Variants in ATRNL1 observed in about 807,000 individuals in gnomAD.
The protein encoded by ATRNL1 is attractin like 1.
ATRNL1 carries 95 observed loss-of-function variants against 182.7 expected under a neutral mutation model. The ratio of observed to expected loss-of-function variants is 0.52; its 90% CI spans 0.44 to 0.62. ATRNL1 has a LOEUF of 0.62. ATRNL1 is among the 20% of genes least tolerant of loss of function. ATRNL1 has a pLI of 0.00. For missense variants in ATRNL1, 1,471 were observed against 1,679.5 expected (o/e 0.88, Z 2.17); for synonymous variants, 576 against 568.3 (o/e 1.01, Z -0.19).
Position 115,456,168 on chromosome 10 carries a change from A to G in ATRNL1, c.3323-5773A>G, listed in dbSNP as rs151143818. Among the ~76,000 whole-genome samples, 903 of 152,310 alleles carry G rather than the reference A, an allele frequency of 5.9e-3. 11 individuals are homozygous for G. The highest frequency in any genetic ancestry group is 0.021 in the African/African-American group (862 of 41,568). The stretch of plus-strand genomic sequence containing the variant: ...CCTCAAAAGTATAAATCATACTACT[A>G]TAAAGACACATGCACACATGTGTTT... On this transcript the variant is annotated intron_variant, in intron 21 of 28. Transcript: ENST00000355044.
At chr10:115,362,023 A>C (rs1856773591) in intron 19 of ATRNL1, among the ~76,000 whole-genome samples, 1 of 152,070 alleles carries the variant, frequency 6.6e-6, no homozygotes, top group African/African-American at 2.4e-5. Context: ...CTAATATCCT[A>C]AATAAACAAA....
At chr10:115,754,196 T>G (rs1408799588) in intron 27 of ATRNL1, among the ~76,000 whole-genome samples, 1 of 152,232 alleles carries the variant, frequency 6.6e-6, no homozygotes, top group Non-Finnish European at 1.5e-5. Context: ...ATTTGTCAAT[T>G]TTGGCTTTTG....
At chr10:115,300,494 A>G (rs1212960161) in intron 16 of ATRNL1, among the ~76,000 whole-genome samples, 1 of 152,192 alleles carries the variant, frequency 6.6e-6, no homozygotes, top group South Asian at 2.1e-4. Flanking sequence ...TAATATGACA[A>G]TAATCTATTC....
At chr10:115,421,351 T>C (rs1158729885) in intron 20 of ATRNL1, among the ~76,000 whole-genome samples, 1 of 152,148 alleles carries the variant, frequency 6.6e-6, no homozygotes, top group African/African-American at 2.4e-5. Flanking sequence ...TGACCATGAT[T>C]TAGTGAAATT....
At chr10:115,271,872 A>G (rs1278867179) in intron 13 of ATRNL1, among the ~76,000 whole-genome samples, 2 of 152,142 alleles carry the variant, frequency 1.3e-5, no homozygotes, top group Non-Finnish European at 2.9e-5. Context: ...TTGAAATATA[A>G]TCCCCGGTCT....
chr10:115,752,689 A>G (rs1948480792), intron 27 of ATRNL1, among the ~76,000 whole-genome samples: 1 of 152,096 alleles, frequency 6.6e-6, no homozygotes, highest in East Asian at 1.9e-4. Flanking sequence ...AAGCCTCTAT[A>G]GCGCTTGTAG....
At chr10:115,816,358 A>G (rs530918387) in intron 27 of ATRNL1, among the ~76,000 whole-genome samples, 12 of 152,152 alleles carry the variant, frequency 7.9e-5, no homozygotes, top group Non-Finnish European at 1.6e-4. Context: ...TGGCTTAAGA[A>G]TCAGATATTG....
At chr10:115,729,527 G>GTGTGTGTGTGTGTGTA (rs1215381020) in intron 27 of ATRNL1, among the ~76,000 whole-genome samples, 45 of 151,098 alleles carry the variant, frequency 3.0e-4, no homozygotes, top group African/African-American at 8.7e-4. Flanking sequence ...GTGTGTGTGT[G>GTGTGTGTGTGTGTGTA]TGTGTGTGTT....
At chr10:115,633,294 A>G (rs954468377) in intron 26 of ATRNL1, among the ~76,000 whole-genome samples, 2 of 152,180 alleles carry the variant, frequency 1.3e-5, no homozygotes, top group African/African-American at 2.4e-5. Flanking sequence ...AACCACTTCT[A>G]TCTTGAAATA....
Position 115,467,170 on chromosome 10 carries a change from G to A in ATRNL1, c.3418-4G>A. ...TTTAACCTTAATATTTTCTTTTCTG[G>A]TAGTCGAACAAAAATCTGGATATAT... On this transcript the variant is annotated splice_polypyrimidine_tract_variant and splice_region_variant and intron_variant, in intron 22 of 28. Transcript: ENST00000355044. 6.3e-7 allele frequency: 1 copy of A among 1,591,428 alleles called. No individual in the cohort carries two copies. The highest frequency in any genetic ancestry group is 8.6e-7 in the Non-Finnish European group (1 of 1,163,992).
chr10:115,232,754 A>G (rs1268646478), intron 9 of ATRNL1, among the ~76,000 whole-genome samples: 2 of 152,064 alleles, frequency 1.3e-5, no homozygotes, highest in African/African-American at 4.8e-5. Flanking sequence ...AGAACTATTT[A>G]TTGAAAAGTC....
At position 115,948,142 on chromosome 10, in the gene ATRNL1, T is replaced by A. The variant is rs1406046332; in HGVS notation, c.*3363T>A. The A allele has an allele frequency of 6.6e-6, 1 of 152,244 alleles. No individual in the cohort carries two copies. The highest frequency in any genetic ancestry group is 1.9e-4 in the East Asian group (1 of 5,200). 9.4% of individuals were successfully genotyped at this position (152,244 alleles called of 1,614,324 possible). A position where few individuals can be genotyped will look rare whatever the true frequency, so the allele number is the denominator to read the frequency against. ...GATATAGGGATTTCTACAAAACGAC[T>A]TTGACATTTAGTCAATAAAGACTTA... On this transcript the variant is annotated 3_prime_UTR_variant, in exon 29 of 29. Transcript: ENST00000355044.
chr10:115,497,185 T>A (rs1341204843), intron 24 of ATRNL1, among the ~76,000 whole-genome samples: 1 of 152,210 alleles, frequency 6.6e-6, no homozygotes, highest in Non-Finnish European at 1.5e-5. Context: ...TATGAAATTT[T>A]TGTAGTGTGT....
chr10:115,502,922 C>T (rs1446983766), intron 24 of ATRNL1, among the ~76,000 whole-genome samples: 4 of 152,100 alleles, frequency 2.6e-5, no homozygotes, highest in African/African-American at 9.7e-5. Flanking sequence ...AGTCTCACAT[C>T]CCCACCTCCT....
intron 1 of ATRNL1, among the ~76,000 whole-genome samples, chr10:115,107,939 A>T (rs905244057): frequency 2.0e-5 from 3 of 152,100 alleles, no homozygotes; most frequent in Non-Finnish European, 4.4e-5. Flanking sequence ...GGAAACTGTG[A>T]TCTCAGGATC....
intron 19 of ATRNL1, among the ~76,000 whole-genome samples, chr10:115,366,539 G>A (rs1288889075): frequency 4.6e-5 from 7 of 151,762 alleles, no homozygotes; most frequent in Middle Eastern, 3.4e-3. Context: ...ATATTGTTAT[G>A]TGTGAATTTG....
At chr10:115,624,661 A>G (rs1555024112) in intron 26 of ATRNL1, among the ~76,000 whole-genome samples, 3 of 152,180 alleles carry the variant, frequency 2.0e-5, no homozygotes, top group African/African-American at 7.2e-5. Flanking sequence ...TTTGCAACAC[A>G]GAAATCTGCA....
At chr10:115,898,074 T>C (rs537095150) in intron 28 of ATRNL1, among the ~76,000 whole-genome samples, 11 of 152,030 alleles carry the variant, frequency 7.2e-5, no homozygotes, top group Admixed American at 7.2e-4. Flanking sequence ...ACTATAGGCA[T>C]GCACCACCAC....
At chr10:115,394,854 T>C (rs1355154558) in intron 20 of ATRNL1, 102 bp downstream of exon 20, 1 of 836,276 alleles carries the variant, frequency 1.2e-6, no homozygotes, top group Non-Finnish European at 1.8e-6. Flanking sequence ...TAGTTAGGCA[T>C]ACCTTTATTA....
Sources: allele counts gnomAD v4.1 joint callset (sites outside exome capture counted in the v4.1 genomes callset), GRCh38; gene constraint gnomAD v4.1.1; transcripts MANE v1.5; gene names NCBI Gene and HGNC (gene_info 2026-07-23, HGNC 2026-07-21).